RASSF3: variants seen among roughly 807,000 people sequenced by gnomAD.
RASSF3 encodes ras association domain-containing protein 3.
Under a neutral mutation model 19.9 loss-of-function variants are expected in RASSF3, and 19 were observed. The observed-to-expected ratio is 0.96, with a 90% CI of 0.67 to 1.40. The LOEUF is 1.40. Ranked by LOEUF, RASSF3 falls within the 40% of genes most tolerant of loss-of-function variation. The probability of loss-of-function intolerance (pLI) is 0.00; values close to 1 mark genes in which losing one functional copy is unlikely to be tolerated. For missense variants in RASSF3, 306 were observed against 289.8 expected, an observed-to-expected ratio of 1.06 and a Z score of -0.41; for synonymous variants, 110 against 104.2, an observed-to-expected ratio of 1.06 and a Z score of -0.34.
At chr12:64,581,008 A>G (rs1023702478) in intron 2 of RASSF3, among the ~76,000 whole-genome samples, 3 of 148,718 alleles carry the variant, frequency 2.0e-5, no homozygotes, top group African/African-American at 7.3e-5. Context: ...ATATATATTT[A>G]CATGTATCTA....
intron 2 of RASSF3, among the ~76,000 whole-genome samples, chr12:64,573,522 G>A (rs1869551824): frequency 6.6e-6 from 1 of 152,104 alleles, no homozygotes; most frequent in African/African-American, 2.4e-5. Flanking sequence ...CTTTTACTAG[G>A]TGCCACAATT....
intron 2 of RASSF3, among the ~76,000 whole-genome samples, chr12:64,565,541 C>T (rs938970948): frequency 4.6e-5 from 7 of 152,212 alleles, no homozygotes; most frequent in African/African-American, 1.2e-4. Flanking sequence ...GGCGAAACCC[C>T]GTCTCTACTA....
chr12:64,682,899 T>C (rs776900832), intron 1 of RASSF3, among the ~76,000 whole-genome samples: 7 of 152,216 alleles, frequency 4.6e-5, no homozygotes, highest in Non-Finnish European at 7.3e-5. Flanking sequence ...TGAATCTGAT[T>C]ATGCAGCTTT....
intron 1 of RASSF3, among the ~76,000 whole-genome samples, chr12:64,636,221 A>G (rs1308080981): frequency 6.6e-6 from 1 of 151,780 alleles, no homozygotes; most frequent in African/African-American, 2.4e-5. Context: ...GGTTCAAGCA[A>G]TCCTCCCCGC....
chr12:64,620,014 C>CTGTGTGTGTGTGTG (rs68044550), intron 1 of RASSF3, among the ~76,000 whole-genome samples: 44,161 of 133,720 alleles, frequency 0.33, 7,586 homozygotes, highest in South Asian at 0.41. Flanking sequence ...TGCAGGTTGA[C>CTGTGTGTGTGTGTG]TGTGTGTGTG....
chr12:64,547,431 G>A (rs1869085204), intron 2 of RASSF3, among the ~76,000 whole-genome samples: 2 of 152,110 alleles, frequency 1.3e-5, no homozygotes. Flanking sequence ...ACTGGGCGTG[G>A]TGGGACACAC....
chr12:64,655,862 A>G (rs1159211312), intron 1 of RASSF3, among the ~76,000 whole-genome samples: 2 of 151,730 alleles, frequency 1.3e-5, no homozygotes, highest in Non-Finnish European at 2.9e-5. Flanking sequence ...CCCTGTCTCT[A>G]CTAAAAATAT....
exon 1 of RASSF3, chr12:64,507,086 G>A: frequency 5.0e-6 from 2 of 397,786 alleles, no homozygotes; most frequent in Admixed American, 4.4e-5. Context: ...GCTAACAGGT[G>A]GTCCCCAGAC....
intron 2 of RASSF3, among the ~76,000 whole-genome samples, chr12:64,568,479 G>A (rs994780608): frequency 1.3e-5 from 2 of 152,158 alleles, no homozygotes; most frequent in African/African-American, 4.8e-5. Context: ...GTTGGGTGGG[G>A]CCATTTCCTG....
chr12:64,647,583 T>A (rs916354635), intron 1 of RASSF3, among the ~76,000 whole-genome samples: 7 of 152,102 alleles, frequency 4.6e-5, no homozygotes, highest in Non-Finnish European at 1.0e-4. Context: ...GCTAATTTTT[T>A]GTATTTTTTA....
At chr12:64,594,732 A>G (rs2136142138) in intron 2 of RASSF3, among the ~76,000 whole-genome samples, 1 of 152,264 alleles carries the variant, frequency 6.6e-6, no homozygotes, top group Middle Eastern at 3.4e-3. Flanking sequence ...CCCTTTTGCA[A>G]AGAAAATTTA....
chr12:64,602,431 A>T (rs1870108821), intron 2 of RASSF3, among the ~76,000 whole-genome samples: 1 of 151,804 alleles, frequency 6.6e-6, no homozygotes, highest in South Asian at 2.1e-4. Flanking sequence ...TACAAAAAAA[A>T]TTAGCTGGGC....
intron 2 of RASSF3, among the ~76,000 whole-genome samples, chr12:64,547,581 A>T (rs1869088949): frequency 1.3e-5 from 2 of 152,094 alleles, no homozygotes. Flanking sequence ...AAAGAGAAAG[A>T]AAAAAGAAGG....
At chr12:64,678,428 C>T (rs777875117) in intron 1 of RASSF3, among the ~76,000 whole-genome samples, 3 of 152,060 alleles carry the variant, frequency 2.0e-5, no homozygotes, top group Non-Finnish European at 2.9e-5. Context: ...AGGCTGGACC[C>T]CACACCTGAC....
At chr12:64,588,051 A>G (rs115464027) in intron 2 of RASSF3, among the ~76,000 whole-genome samples, 2,598 of 152,274 alleles carry the variant, frequency 0.017, 78 homozygotes, top group African/African-American at 0.059. Flanking sequence ...AAGAAGGAAT[A>G]ATATCATAGG....
At chr12:64,691,022 G>A (rs1868271877) in intron 3 of RASSF3, among the ~76,000 whole-genome samples, 1 of 151,886 alleles carries the variant, frequency 6.6e-6, no homozygotes, top group Admixed American at 6.6e-5. Context: ...CACCACGCCC[G>A]GCTGATTTTT....
At chr12:64,570,776 G>A (rs1280462603) in intron 2 of RASSF3, among the ~76,000 whole-genome samples, 3 of 152,062 alleles carry the variant, frequency 2.0e-5, no homozygotes, top group Admixed American at 6.6e-5. Flanking sequence ...CATTTCTCAC[G>A]AGCTTTTTGG....
chr12:64,513,327 G>A (rs775602481), intron 1 of RASSF3, among the ~76,000 whole-genome samples: 11 of 151,904 alleles, frequency 7.2e-5, no homozygotes, highest in Non-Finnish European at 1.3e-4. Context: ...GTGGGCACCT[G>A]TAATCCCAGC....
At chr12:64,525,986 A>G (rs2136106791) in intron 1 of RASSF3, among the ~76,000 whole-genome samples, 1 of 152,260 alleles carries the variant, frequency 6.6e-6, no homozygotes, top group South Asian at 2.1e-4. Flanking sequence ...TAGTGAGCTC[A>G]TCTCCCAAAT....
Sources: allele counts gnomAD v4.1 joint callset (sites outside exome capture counted in the v4.1 genomes callset), GRCh38; gene constraint gnomAD v4.1.1; transcripts MANE v1.5; gene names NCBI Gene and HGNC (gene_info 2026-07-23, HGNC 2026-07-21).